SEMA4D: variants seen among roughly 807,000 people sequenced by gnomAD.
SEMA4D encodes the protein semaphorin-4D.
A neutral mutation model predicts 74.8 loss-of-function variants in SEMA4D; 22 were observed. The ratio of observed to expected loss-of-function variants is 0.29; its 90% CI spans 0.21 to 0.42. SEMA4D has a LOEUF of 0.42. SEMA4D is among the 10% of genes least tolerant of loss of function. The probability of loss-of-function intolerance (pLI) is 1.00; values close to 1 mark genes in which losing one functional copy is unlikely to be tolerated. For missense variants in SEMA4D, 937 were observed against 1,118.4 expected, an observed-to-expected ratio of 0.84 and a Z score of 2.31; for synonymous variants, 445 against 463.7, an observed-to-expected ratio of 0.96 and a Z score of 0.52.
intron 2 of SEMA4D, among the ~76,000 whole-genome samples, chr9:89,413,820 C>T (rs2088971920): frequency 6.6e-6 from 1 of 152,138 alleles, no homozygotes; most frequent in South Asian, 2.1e-4. Context: ...GTGTGCACAG[C>T]TATATGTGCA....
At chr9:89,415,952 T>C (rs1455834759) in intron 2 of SEMA4D, among the ~76,000 whole-genome samples, 3 of 152,128 alleles carry the variant, frequency 2.0e-5, no homozygotes, top group African/African-American at 7.2e-5. Context: ...GAGGGCAAAA[T>C]TACATAAAAG....
At chr9:89,419,265 C>T (rs1328284769) in intron 2 of SEMA4D, among the ~76,000 whole-genome samples, 2 of 152,208 alleles carry the variant, frequency 1.3e-5, no homozygotes, top group Non-Finnish European at 2.9e-5. Flanking sequence ...CAGTGGATGG[C>T]TCTTACGGCC....
intron 2 of SEMA4D, among the ~76,000 whole-genome samples, chr9:89,433,230 CCT>C (rs371285116): frequency 1.7e-3 from 256 of 152,328 alleles, no homozygotes; most frequent in African/African-American, 5.8e-3. Flanking sequence ...GCAGTGACCC[CCT>C]GAGGCTGCCA....
chr9:89,419,827 G>C (rs959216425), intron 2 of SEMA4D, among the ~76,000 whole-genome samples: 1 of 152,092 alleles, frequency 6.6e-6, no homozygotes. Flanking sequence ...TGAGGCAGGA[G>C]AATCGCTTGA....
At chr9:89,436,568 TCTC>T (rs961524904) in intron 2 of SEMA4D, 32 of 152,366 alleles carry the variant, frequency 2.1e-4, no homozygotes, top group African/African-American at 7.5e-4. Flanking sequence ...TGGTGAGCCT[TCTC>T]CGCAGGCTGT....
chr9:89,451,766 T>A lies in SEMA4D; in HGVS notation c.-244+4122A>T, dbSNP rs924924624. On this transcript the variant is annotated intron_variant, in intron 2 of 15. Transcript: ENST00000422704. ...TAAAATAAATTTGGATTTGCTCATT[T>A]AAAAAAAAAAGACTAAGTTTGCTTT... Among the ~76,000 whole-genome samples the A allele has an allele frequency of 7.3e-5, 11 of 150,382 alleles. No homozygotes were observed. The South Asian group carries it at 1.3e-3, about 17-fold the overall frequency.
At chr9:89,372,001 T>G (rs1371337277) in intron 16 of SEMA4D, among the ~76,000 whole-genome samples, 8 of 2,000 alleles carry the variant, frequency 4.0e-3, no homozygotes, top group African/African-American at 8.8e-3. Flanking sequence ...GGTGTGTGTC[T>G]GGGGTGTGGT....
At chr9:89,376,959 G>T, downstream of SEMA4D, 1 of 1,550,636 alleles carries the variant, frequency 6.4e-7, no homozygotes, top group Non-Finnish European at 8.7e-7. Flanking sequence ...GCTGGCCAGG[G>T]GGTCCAGGGA....
At chr9:89,456,921 G>A (rs547990065) in intron 1 of SEMA4D, among the ~76,000 whole-genome samples, 9 of 152,224 alleles carry the variant, frequency 5.9e-5, no homozygotes, top group East Asian at 3.9e-4. Context: ...CAGAAGTAGC[G>A]GAAGGCTTAC....
intron 2 of SEMA4D, among the ~76,000 whole-genome samples, chr9:89,441,152 T>TAA: frequency 6.6e-6 from 1 of 152,224 alleles, no homozygotes; most frequent in African/African-American, 2.4e-5. Context: ...TTACACATTG[T>TAA]AAACATGTCC....
chr9:89,412,234 A>T (rs1223036589), intron 2 of SEMA4D, among the ~76,000 whole-genome samples: 1 of 152,248 alleles, frequency 6.6e-6, no homozygotes, highest in Non-Finnish European at 1.5e-5. Flanking sequence ...GTAAGGAGCC[A>T]AGAGTAGAAA....
intron 9 of SEMA4D, among the ~76,000 whole-genome samples, chr9:89,389,454 C>A (rs895449129): frequency 6.6e-6 from 1 of 152,170 alleles, no homozygotes; most frequent in Admixed American, 6.5e-5. Flanking sequence ...CTGGGTGGGG[C>A]AAGTGGCGGC....
chr9:89,455,125 C>T (rs1384208584), intron 2 of SEMA4D, among the ~76,000 whole-genome samples: 1 of 152,274 alleles, frequency 6.6e-6, no homozygotes, highest in African/African-American at 2.4e-5. Flanking sequence ...GCCTCCATGG[C>T]CTCATCCATG....
chr9:89,435,866 A>G (rs749818211), intron 2 of SEMA4D, among the ~76,000 whole-genome samples: 71 of 152,226 alleles, frequency 4.7e-4, no homozygotes, highest in Non-Finnish European at 4.1e-4. Context: ...TGAAACTTAA[A>G]TAAAGGAAGG....
intron 1 of SEMA4D, among the ~76,000 whole-genome samples, chr9:89,463,220 TA>T (rs1857780969): frequency 6.6e-6 from 1 of 152,088 alleles, no homozygotes; most frequent in Non-Finnish European, 1.5e-5. Flanking sequence ...CTTGCAATTC[TA>T]ATCTTCCTCT....
At chr9:89,377,097 T>G, downstream of SEMA4D, 1 of 1,496,024 alleles carries the variant, frequency 6.7e-7, no homozygotes, top group Non-Finnish European at 9.0e-7. Context: ...GAGGAAGAAG[T>G]CGCCAGGAGC....
At chr9:89,386,164 G>T in intron 13 of SEMA4D, 1 of 815,794 alleles carries the variant, frequency 1.2e-6, no homozygotes, top group Non-Finnish European at 1.5e-6. Context: ...CGTCTCCCCA[G>T]GTCTGCCTTC....
At chr9:89,470,209 T>C (rs1047187327) in intron 1 of SEMA4D, among the ~76,000 whole-genome samples, 1 of 152,090 alleles carries the variant, frequency 6.6e-6, no homozygotes, top group Non-Finnish European at 1.5e-5. Flanking sequence ...AGCTAAAGAT[T>C]GAGAGAAAAT....
intron 6 of SEMA4D, among the ~76,000 whole-genome samples, chr9:89,395,271 C>CA (rs1190828686): frequency 6.6e-6 from 1 of 151,914 alleles, no homozygotes; most frequent in Non-Finnish European, 1.5e-5. Flanking sequence ...ACTAAAAATA[C>CA]AAAATTAGCC....
Sources: gnomAD v4.1 joint callset for allele counts (sites outside exome capture counted in the v4.1 genomes callset) on GRCh38, gnomAD v4.1.1 for gene constraint, MANE v1.5 for transcripts, NCBI Gene and HGNC (gene_info 2026-07-23, HGNC 2026-07-21) for gene names.